COL23A1: variants seen among roughly 807,000 people sequenced by gnomAD.
The protein encoded by COL23A1 is collagen alpha-1(XXIII) chain.
A neutral mutation model predicts 99.3 loss-of-function variants in COL23A1; 97 were observed. That is an observed-to-expected ratio of 0.98 (90% CI 0.83 to 1.16). COL23A1 has a LOEUF of 1.16. Among genes scored for constraint, COL23A1 ranks in the 50% most tolerant of loss-of-function variants. The probability of loss-of-function intolerance (pLI) is 0.00; values close to 1 mark genes in which losing one functional copy is unlikely to be tolerated. For synonymous variants in COL23A1, 320 were observed against 308.2 expected (o/e 1.04, Z -0.40); for missense variants, 762 against 757.4 (o/e 1.01, Z -0.07).
intron 2 of COL23A1, among the ~76,000 whole-genome samples, chr5:178,474,614 G>A (rs555926017): frequency 1.4e-4 from 21 of 152,266 alleles, no homozygotes; most frequent in African/African-American, 5.1e-4. Flanking sequence ...GGCATACAGA[G>A]GACTTATCTT....
intron 2 of COL23A1, among the ~76,000 whole-genome samples, chr5:178,416,494 G>A (rs1765319108): frequency 6.6e-6 from 1 of 152,242 alleles, no homozygotes; most frequent in African/African-American, 2.4e-5. Flanking sequence ...TGGGGCCCAG[G>A]AGGAGATGTA....
At chr5:178,320,544 C>T (rs977005515) in intron 2 of COL23A1, among the ~76,000 whole-genome samples, 28 of 152,222 alleles carry the variant, frequency 1.8e-4, no homozygotes, top group African/African-American at 6.3e-4. Flanking sequence ...GCCAGCTGTG[C>T]AGTTTGCAGA....
rs1452094904 is a variant in COL23A1 at position 178,560,810 on chromosome 5, G to A, written c.295-62C>T. ...AGAATGAGTTTCAGAACAGAGAGGG[G>A]TAAAAGTGGAAACATCAGCAAAAAC... On this transcript the variant is annotated intron_variant, in intron 1 of 28. Coordinates refer to ENST00000390654, the MANE Select transcript of COL23A1 (RefSeq NM_173465.4). 3.3e-6 allele frequency: 5 copies of A among 1,513,412 alleles called. No individual in the cohort carries two copies. In the Admixed American group the frequency reaches 1.0e-4, roughly 31 times the overall value. The allele number at this position is 1,513,412 out of a possible 1,614,324, so 93.7% of individuals were successfully genotyped here.
intron 2 of COL23A1, among the ~76,000 whole-genome samples, chr5:178,364,205 T>C (rs1291275100): frequency 6.6e-6 from 1 of 152,054 alleles, no homozygotes; most frequent in African/African-American, 2.4e-5. Flanking sequence ...TTTGTTTCCC[T>C]CCCTCCCGCC....
chr5:178,460,951 AT>A (rs960639900), intron 2 of COL23A1, among the ~76,000 whole-genome samples: 4 of 151,916 alleles, frequency 2.6e-5, no homozygotes, highest in African/African-American at 7.3e-5. Context: ...TCATGCCCCC[AT>A]TTTTTTTAAA....
At chr5:178,323,925 G>C (rs930668571) in intron 2 of COL23A1, among the ~76,000 whole-genome samples, 2 of 152,198 alleles carry the variant, frequency 1.3e-5, no homozygotes, top group African/African-American at 4.8e-5. Flanking sequence ...TGGAACAGCT[G>C]GTATGTGGCA....
At position 178,590,121 on chromosome 5, in the gene COL23A1, C is replaced by A. The variant is rs1460496045; in HGVS notation, c.77G>T (p.Arg26Leu). 1.6e-6 allele frequency: 2 copies of A among 1,239,256 alleles called. No individual in the cohort carries two copies. The highest frequency in any genetic ancestry group is 1.6e-5 in the African/African-American group (1 of 63,408). 76.8% of individuals were successfully genotyped at this position (1,239,256 alleles called of 1,614,324 possible). A position where few individuals can be genotyped will look rare whatever the true frequency, so the allele number is the denominator to read the frequency against. The change falls in exon 1 of 29, where the codon CGC (arginine) becomes CTC (leucine). Residue 26 changes from arginine to leucine, a missense_variant. By Grantham distance (102) the Arg-to-Leu change is moderately radical. Transcript: ENST00000390654. This position sits in a 1 kb window ranked among gnomAD's most constrained non-coding sequence, Gnocchi z 5.7. Reference sequence around the variant, plus strand: ...CCGGGACCCGGCCGTCGTCGCCGAGCGCCCTCCGCCGCCGCCGCCCGCCGC... The same window carrying A: ...CCGGGACCCGGCCGTCGTCGCCGAGAGCCCTCCGCCGCCGCCGCCCGCCGC... ...GNAAGGGGGG[R>L]SATTAGSRAV...
chr5:178,572,030 T>A (rs534388384), intron 1 of COL23A1, among the ~76,000 whole-genome samples: 1 of 140,072 alleles, frequency 7.1e-6, no homozygotes, highest in Non-Finnish European at 1.5e-5. Context: ...ATTGCGCCAC[T>A]GCACTCCAGC....
At chr5:178,573,405 A>G (rs1234170648) in intron 1 of COL23A1, among the ~76,000 whole-genome samples, 1 of 152,228 alleles carries the variant, frequency 6.6e-6, no homozygotes, top group African/African-American at 2.4e-5. Flanking sequence ...CGGCCACCGC[A>G]CTTGGCAGGA....
At chr5:178,553,043 G>A (rs116641719) in intron 2 of COL23A1, among the ~76,000 whole-genome samples, 9,166 of 151,882 alleles carry the variant, frequency 0.06, 410 homozygotes, top group African/African-American at 0.13. Flanking sequence ...GGTGGCACAC[G>A]CCTGTGGTCC....
In COL23A1 at chr5:178,313,038, G is replaced by A. The variant is rs112069704; in HGVS notation, c.362-6119C>T. On this transcript the variant is annotated intron_variant, in intron 2 of 28. Transcript: ENST00000390654. The surrounding 1 kb of genome is among the most constrained non-coding windows in gnomAD (Gnocchi z 4.2). ...TGGAGAGGAAGGAGTTCCTGCGCAC[G>A]CTGCAGCATGATGGGCCTGGAGGAC... 1.7e-3 allele frequency among the ~76,000 whole-genome samples: 255 copies of A among 152,318 alleles called. 1 individual carries two copies. The highest frequency in any genetic ancestry group is 6.8e-3 in the Middle Eastern group (2 of 294).
chr5:178,352,780 C>T lies in COL23A1; in HGVS notation c.362-45861G>A, dbSNP rs139367991. Reference sequence around the variant, plus strand: ...ACAAGATGAGATAAACATAACTGCCCCCCAGGGCTGCTGAGAGGGGAGTCT... The same window carrying T: ...ACAAGATGAGATAAACATAACTGCCTCCCAGGGCTGCTGAGAGGGGAGTCT... On this transcript the variant is annotated intron_variant, in intron 2 of 28. Coordinates refer to ENST00000390654, the MANE Select transcript of COL23A1 (RefSeq NM_173465.4). Among the ~76,000 whole-genome samples, 593 of 152,350 alleles carry T rather than the reference C, an allele frequency of 3.9e-3. 3 individuals are homozygous for T. The highest frequency in any genetic ancestry group is 0.013 in the African/African-American group (551 of 41,572).
intron 3 of COL23A1, among the ~76,000 whole-genome samples, chr5:178,299,571 T>C (rs1482606077): frequency 6.6e-6 from 1 of 152,190 alleles, no homozygotes; most frequent in Admixed American, 6.5e-5. Flanking sequence ...GGTTTGTCAG[T>C]TTTGTTGATC....
intron 2 of COL23A1, among the ~76,000 whole-genome samples, chr5:178,526,011 A>T (rs924400883): frequency 5.0e-4 from 76 of 152,270 alleles, no homozygotes; most frequent in African/African-American, 1.8e-3. Context: ...TGAGGTAGTC[A>T]GCACTGCACA....
intron 2 of COL23A1, among the ~76,000 whole-genome samples, chr5:178,465,450 G>A (rs139004275): frequency 5.3e-5 from 8 of 152,314 alleles, no homozygotes; most frequent in East Asian, 3.9e-4. Flanking sequence ...CCCAGGCATG[G>A]GTTTAAAAGC....
chr5:178,246,222 G>A, intron 24 of COL23A1, 32 bp downstream of exon 24: 1 of 1,552,494 alleles, frequency 6.4e-7, no homozygotes. Context: ...GGTGGCCACG[G>A]TTGGAGAGGG....
chr5:178,546,502 C>A (rs1488682044), intron 2 of COL23A1, among the ~76,000 whole-genome samples: 2 of 152,164 alleles, frequency 1.3e-5, no homozygotes, highest in African/African-American at 4.8e-5. Flanking sequence ...AGGGTGCAGA[C>A]CCTGCAAAGC....
chr5:178,520,701 T>G (rs1392178829), intron 2 of COL23A1, among the ~76,000 whole-genome samples: 9 of 152,180 alleles, frequency 5.9e-5, no homozygotes, highest in Non-Finnish European at 1.3e-4. Context: ...GCTTAAGTGT[T>G]TCCATCTGTA....
chr5:178,375,276 G>A (rs1282069321), intron 2 of COL23A1, among the ~76,000 whole-genome samples: 1 of 152,008 alleles, frequency 6.6e-6, no homozygotes, highest in Non-Finnish European at 1.5e-5. Context: ...AGGAGGGGAG[G>A]TGGGGGATAA....
Sources: gnomAD v4.1 joint callset for allele counts (sites outside exome capture counted in the v4.1 genomes callset) on GRCh38, gnomAD v4.1.1 for gene constraint, Gnocchi (gnomAD v3.1) non-coding constraint, MANE v1.5 for transcripts, NCBI Gene and HGNC (gene_info 2026-07-23, HGNC 2026-07-21) for gene names.